Variants in PIAS3 observed in about 807,000 individuals in gnomAD.
PIAS3 encodes E3 SUMO-protein ligase PIAS3.
A neutral mutation model predicts 67.6 loss-of-function variants in PIAS3; 34 were observed. The observed-to-expected ratio is 0.50, with a 90% CI of 0.38 to 0.67. The LOEUF (loss-of-function observed/expected upper bound fraction) is 0.67, where lower values mean the gene tolerates loss of function less well. Ranked by LOEUF, PIAS3 falls within the 30% of genes least tolerant of loss-of-function variation. PIAS3 has a pLI of 0.00. For missense variants in PIAS3, 693 were observed against 791.6 expected (o/e 0.88, Z 1.49); for synonymous variants, 341 against 313.8 (o/e 1.09, Z -0.92).
At chr1:145,856,176 G>T in intron 3 of PIAS3, 58 bp from the exon 4 acceptor site, 2 of 1,460,730 alleles carry the variant, frequency 1.4e-6, no homozygotes, top group Non-Finnish European at 1.9e-6. Flanking sequence ...GGGCAAGGGT[G>T]AATGCACAGA....
intron 5 of PIAS3, among the ~76,000 whole-genome samples, chr1:145,855,339 G>T (rs587751978): frequency 1.3e-5 from 2 of 152,006 alleles, no homozygotes; most frequent in Admixed American, 6.6e-5. Context: ...AAAATTAGCC[G>T]GGCAGGGTGG....
chr1:145,850,614 C>T, intron 11 of PIAS3, 28 bp from the exon 12 acceptor site: 1 of 1,609,814 alleles, frequency 6.2e-7, no homozygotes, highest in South Asian at 1.1e-5. Context: ...CTGAGGCAGC[C>T]AGCAAACCAC....
chr1:145,849,489 G>A lies in PIAS3; in HGVS notation c.1844C>T (p.Pro615Leu). Residue 615 changes from proline (P) to leucine (L), a missense_variant, in exon 14 of 14, where the codon CCC becomes CTC. By Grantham distance (98) the Pro-to-Leu change is moderately conservative (BLOSUM62 -3). Transcript: ENST00000393045. ...EGHGGPLPSGPSLTGCRSDII... is the reference protein window; with the variant it reads ...EGHGGPLPSGLSLTGCRSDII... ...GTCTGACCGACAGCCAGTCAAAGAGGGACCTGAGGGCAGGGGTCCTCCATG... is the reference window on the plus strand; with the variant it reads ...GTCTGACCGACAGCCAGTCAAAGAGAGACCTGAGGGCAGGGGTCCTCCATG... 6.6e-7 allele frequency: 1 copy of A among 1,524,582 alleles called. No individual in the cohort carries two copies. The highest frequency in any genetic ancestry group is 8.8e-7 in the Non-Finnish European group (1 of 1,140,674). 94.4% of individuals were successfully genotyped at this position (1,524,582 alleles called of 1,614,324 possible).
chr1:145,849,089 A>T lies in PIAS3; in HGVS notation c.*357T>A, dbSNP rs1260196604. On this transcript the variant is annotated 3_prime_UTR_variant, in exon 14 of 14. Coordinates refer to ENST00000393045, the MANE Select transcript of PIAS3 (RefSeq NM_006099.3). ...AGAGAGAGCATTTGGGGTTCAAGAG[A>T]GGTGCCCCTTCCCCAAGAGGCTCTA... The T allele has an allele frequency of 5.2e-6, 1 of 190,802 alleles. No homozygotes were observed. Among genetic ancestry groups the T allele is most frequent in the Non-Finnish European group, 1.1e-5 (1 of 93,928 alleles). 11.8% of individuals were successfully genotyped at this position (190,802 alleles called of 1,614,324 possible).
intron 1 of PIAS3, among the ~76,000 whole-genome samples, chr1:145,858,701 A>T (rs1653292493): frequency 8.9e-6 from 1 of 112,878 alleles, no homozygotes; most frequent in South Asian, 2.8e-4. Flanking sequence ...TCCGACTTCT[A>T]CCCCTCGTCC....
intron 6 of PIAS3, 69 bp from the exon 7 acceptor site, chr1:145,854,632 T>C (rs2101682949): frequency 6.3e-7 from 1 of 1,580,296 alleles, no homozygotes; most frequent in Non-Finnish European, 8.7e-7. Flanking sequence ...TTTTGTTCCA[T>C]GAGGACCAGA....
At position 145,854,585 on chromosome 1, in the gene PIAS3, A is replaced by C. The variant is rs782301238; in HGVS notation, c.805-22T>G. The C allele has an allele frequency of 2.0e-5, 32 of 1,581,156 alleles. No individual in the cohort carries two copies. The Admixed American group carries it at 5.3e-4, about 26-fold the overall frequency. On this transcript the variant is annotated intron_variant, in intron 6 of 13. Coordinates refer to ENST00000393045, the MANE Select transcript of PIAS3 (RefSeq NM_006099.3). The stretch of plus-strand genomic sequence containing the variant: ...AATTCTACTTGGAGGCAGGGGGTAG[A>C]CAATTAGCCTCTGCTTCTCATACCA...
In PIAS3 at chr1:145,859,021, C is replaced by G. The variant is rs1354325052; in HGVS notation, c.-31G>C. ...GACATCGCAGGCGCCCCAGCCGGAGCCGGAGCTCAGGCCCAGGGACCGGCG... is the reference window on the plus strand; with the variant it reads ...GACATCGCAGGCGCCCCAGCCGGAGGCGGAGCTCAGGCCCAGGGACCGGCG... On this transcript the variant is annotated 5_prime_UTR_variant, in exon 1 of 14. Coordinates refer to ENST00000393045, the MANE Select transcript of PIAS3 (RefSeq NM_006099.3). 5 of 1,542,730 alleles carry G rather than the reference C, an allele frequency of 3.2e-6. No homozygotes were observed. The highest frequency in any genetic ancestry group is 4.4e-6 in the Non-Finnish European group (5 of 1,145,314).
Position 145,850,484 on chromosome 1 carries a change from T to C in PIAS3, c.1551A>G (p.Pro517=), listed in dbSNP as rs1449255716. 4 of 1,614,128 alleles carry C rather than the reference T, an allele frequency of 2.5e-6. No individual in the cohort carries two copies. The highest frequency in any genetic ancestry group is 3.4e-6 in the Non-Finnish European group (4 of 1,180,030). Residue 517 remains proline (P), a synonymous_variant, in exon 12 of 14, where the codon CCA becomes CCG. Coordinates refer to ENST00000393045, the MANE Select transcript of PIAS3 (RefSeq NM_006099.3). ...FLSSLPLHEY[P]PAFPLGADIQ... is the part of the protein sequence containing the mutation. ...TGTCGGCTCCCAGTGGGAAGGCAGGTGGGTACTCATGTAGTGGGAGACTGG... is the reference window on the plus strand; with the variant it reads ...TGTCGGCTCCCAGTGGGAAGGCAGGCGGGTACTCATGTAGTGGGAGACTGG...
rs1559166547 is a variant in PIAS3, at chr1:145,859,064, G to A, written c.-74C>T. 2 of 1,464,220 alleles carry A rather than the reference G, an allele frequency of 1.4e-6. No homozygotes were observed. The highest frequency in any genetic ancestry group is 1.8e-6 in the Non-Finnish European group (2 of 1,093,442). The allele number at this position is 1,464,220 out of a possible 1,614,324, so 90.7% of individuals were successfully genotyped here. ...GACCGGCGCACAACTCTCCACCCTGGCGCCGGCCGCAAATGCCGCCTGCTC... is the reference window on the plus strand; with the variant it reads ...GACCGGCGCACAACTCTCCACCCTGACGCCGGCCGCAAATGCCGCCTGCTC... On this transcript the variant is annotated 5_prime_UTR_variant, in exon 1 of 14. Coordinates refer to ENST00000393045, the MANE Select transcript of PIAS3 (RefSeq NM_006099.3).
intron 7 of PIAS3, 42 bp downstream of exon 7, chr1:145,854,416 G>C: frequency 7.3e-7 from 1 of 1,367,626 alleles, no homozygotes; most frequent in South Asian, 1.2e-5. Flanking sequence ...AGGAAGACTT[G>C]AATCCAGATC....
intron 1 of PIAS3, chr1:145,857,344 T>G: frequency 2.9e-6 from 1 of 346,176 alleles, no homozygotes; most frequent in Non-Finnish European, 5.5e-6. Context: ...CCCGCCTCCA[T>G]CCCTGGACTC....
chr1:145,851,720 GAGGT>G (rs1553734428), intron 9 of PIAS3, among the ~76,000 whole-genome samples: 1 of 148,268 alleles, frequency 6.7e-6, no homozygotes, highest in Non-Finnish European at 1.5e-5. Flanking sequence ...TTCAGAGACT[GAGGT>G]GGGTGGATCA....
chr1:145,852,804 C>G (rs1399766703), intron 9 of PIAS3, among the ~76,000 whole-genome samples: 1 of 152,018 alleles, frequency 6.6e-6, no homozygotes, highest in Non-Finnish European at 1.5e-5. Flanking sequence ...CTATGTTGCC[C>G]AGGCTGGTCT....
chr1:145,852,003 A>C (rs2101679775), intron 9 of PIAS3, among the ~76,000 whole-genome samples: 1 of 152,186 alleles, frequency 6.6e-6, no homozygotes, highest in East Asian at 1.9e-4. Flanking sequence ...GTGTAGTATA[A>C]GGAACAAAAG....
rs868909945 is a variant in PIAS3 at position 145,850,816 on chromosome 1, C to T, written c.1403G>A (p.Cys468Tyr). The change falls in exon 11 of 14, where the codon TGT becomes TAT. Residue 468 changes from cysteine (C) to tyrosine (Y), a missense_variant. Cys to Tyr is a radical substitution (Grantham distance 194). This residue lies in a region of PIAS3 where 270 missense variants were observed against 261.0 expected (regional missense o/e 1.03). Coordinates refer to ENST00000393045, the MANE Select transcript of PIAS3 (RefSeq NM_006099.3). Reference protein sequence around the residue: ...EEDLPPTKKHCSVTSAAIPAL... With the variant: ...EEDLPPTKKHYSVTSAAIPAL... The stretch of plus-strand genomic sequence containing the variant: ...CGGGATGGCAGCTGAGGTGACAGAA[C>T]AGTGCTTCTTGGTAGGGGGCAGATC... The T allele has an allele frequency of 6.2e-7, 1 of 1,614,250 alleles. No homozygotes were observed. Among genetic ancestry groups the T allele is most frequent in the Middle Eastern group, 1.6e-4 (1 of 6,062 alleles).
chr1:145,856,092 T>A lies in PIAS3; in HGVS notation c.554A>T (p.Asp185Val). 6.2e-7 allele frequency: 1 copy of A among 1,613,828 alleles called. No individual in the cohort carries two copies. Among genetic ancestry groups the A allele is most frequent in the African/African-American group, 1.3e-5 (1 of 74,956 alleles). The change falls in exon 4 of 14, where the codon GAT becomes GTT. Residue 185 changes from aspartate (D) to valine (V), a missense_variant. By Grantham distance (152) the Asp-to-Val change is radical (BLOSUM62 -3). Transcript: ENST00000393045. The part of the protein sequence containing the change: ...SREVLPGAKC[D>V]YTIQVQLRFC... ...CCTTAGCTGCACCTGTATGGTATAA[T>A]CACATTTGGCTCCTGGCAGAACCTC...
rs377373654 is a variant in PIAS3 at position 145,854,752 on chromosome 1, G to A, written c.798C>T (p.Phe266=). The A allele has an allele frequency of 1.3e-4, 215 of 1,614,174 alleles. No individual in the cohort carries two copies. Among genetic ancestry groups the A allele is most frequent in the South Asian group, 6.6e-4 (60 of 91,080 alleles). The change falls in exon 6 of 14, where the codon TTC becomes TTT. Residue 266 remains phenylalanine (F), a synonymous_variant. Transcript: ENST00000393045. Reference sequence around the variant, plus strand: ...CTGCTTTAGCTGTGCTCACCCGTCCGAACTCAGATGACCAATTGACCACAA... The same window carrying A: ...CTGCTTTAGCTGTGCTCACCCGTCCAAACTCAGATGACCAATTGACCACAA... ...NTIVVNWSSE[F]GRNYSLSVYL...
intron 9 of PIAS3, 78 bp downstream of exon 9, chr1:145,853,426 A>C (rs1653038972): frequency 8.3e-7 from 1 of 1,205,642 alleles, no homozygotes. Flanking sequence ...AAAAAAAAGA[A>C]AAGAAAAAGA....
Sources: gnomAD v4.1 joint callset for allele counts (sites outside exome capture counted in the v4.1 genomes callset) on GRCh38, gnomAD v4.1.1 for gene constraint, gnomAD v4.1.1 regional missense constraint, MANE v1.5 for transcripts, NCBI Gene and HGNC (gene_info 2026-07-23, HGNC 2026-07-21) for gene names.